The following KRIT1 variants were observed in gnomAD, a reference collection of about 807,000 sequenced individuals.
The protein encoded by KRIT1 is krev interaction trapped protein 1.
In KRIT1, 45 loss-of-function variants were observed where a neutral mutation model predicts 95.8. The ratio of observed to expected loss-of-function variants is 0.47; its 90% CI spans 0.37 to 0.60. KRIT1 has a LOEUF of 0.60. Among genes scored for constraint, KRIT1 ranks in the 20% least tolerant of loss-of-function variants. KRIT1 has a pLI of 0.00. For synonymous variants in KRIT1, 282 were observed against 278.8 expected (o/e 1.01, Z -0.11); for missense variants, 788 against 877.5 (o/e 0.90, Z 1.29).
intron 10 of KRIT1, among the ~76,000 whole-genome samples, chr7:92,228,350 T>G (rs145248188): frequency 6.6e-6 from 1 of 152,118 alleles, no homozygotes; most frequent in African/African-American, 2.4e-5. Flanking sequence ...TAATTTGTTG[T>G]GTGGAAATAA....
intron 18 of KRIT1, 101 bp downstream of exon 18, chr7:92,201,206 T>C (rs1790056010): frequency 1.4e-6 from 1 of 737,308 alleles, no homozygotes; most frequent in Non-Finnish European, 2.4e-6. Context: ...TCATGAAATA[T>C]TACAGGTTTT....
intron 17 of KRIT1, among the ~76,000 whole-genome samples, chr7:92,210,753 G>A (rs969646742): frequency 3.3e-5 from 5 of 152,196 alleles, no homozygotes; most frequent in Admixed American, 3.3e-4. Flanking sequence ...ACAATGTGGT[G>A]AATGGGAGAC....
chr7:92,233,127 A>G (rs1218681196), intron 10 of KRIT1, among the ~76,000 whole-genome samples: 7 of 151,636 alleles, frequency 4.6e-5, no homozygotes, highest in Admixed American at 4.6e-4. Context: ...ATATAAGAGC[A>G]TATTTTTAAG....
intron 10 of KRIT1, 53 bp downstream of exon 10, chr7:92,234,392 CATTT>C: frequency 3.1e-6 from 4 of 1,311,252 alleles, no homozygotes; most frequent in Non-Finnish European, 4.4e-6. Context: ...GAAGGACTAA[CATTT>C]ATAATAAAAA....
intron 4 of KRIT1, among the ~76,000 whole-genome samples, 193 bp downstream of exon 4, chr7:92,241,841 C>T (rs1320400694): frequency 6.6e-6 from 1 of 152,002 alleles, no homozygotes; most frequent in Non-Finnish European, 1.5e-5. Flanking sequence ...CCTTTAATAT[C>T]TAATAACCTA....
chr7:92,244,865 A>C (rs1357229974), intron 2 of KRIT1, 37 bp downstream of exon 2: 1 of 152,246 alleles, frequency 6.6e-6, no homozygotes, highest in African/African-American at 2.4e-5. Context: ...TAAATAAAGC[A>C]GTGGAAGTGG....
At chr7:92,242,187 G>T (rs1212755888) in intron 3 of KRIT1, 50 bp from the exon 4 acceptor site, 1 of 1,011,308 alleles carries the variant, frequency 9.9e-7, no homozygotes. Flanking sequence ...TGACACATTT[G>T]ATGGCAAGAT....
In KRIT1 at chr7:92,234,499, T is replaced by C. The variant is rs1797985532; in HGVS notation, c.939A>G (p.Ser313=). 6.2e-7 allele frequency: 1 copy of C among 1,611,356 alleles called. No homozygotes were observed. The change falls in exon 10 of 19, where the codon TCA becomes TCG. Residue 313 remains serine (S), a synonymous_variant. Transcript: ENST00000394505. ...LLSRLLSERF[S]VNQLDSDHWA... ...AGTGGTCACTATCTAACTGGTTGAC[T>C]GAAAATCTTTCACTGAGAAGACGGC...
At chr7:92,237,563 AATATT>A in intron 6 of KRIT1, 99 bp downstream of exon 6, 1 of 507,986 alleles carries the variant, frequency 2.0e-6, no homozygotes, top group South Asian at 3.7e-5. Context: ...TGTATTTTAT[AATATT>A]ATAGTAGTAA....
At position 92,245,058 on chromosome 7, in the gene KRIT1, T is replaced by C. The variant is rs886062492; in HGVS notation, c.-307A>G. On this transcript the variant is annotated 5_prime_UTR_variant, in exon 2 of 19. Coordinates refer to ENST00000394505, the MANE Select transcript of KRIT1 (RefSeq NM_194454.3). ...CAAACAGAAACTGTAAAGGCACATA[T>C]GCACTCCAGAAGGGTAAGAAAATAA... 3 of 151,848 alleles carry C rather than the reference T, an allele frequency of 2.0e-5. No homozygotes were observed. The highest frequency in any genetic ancestry group is 4.8e-5 in the African/African-American group (2 of 41,262). 9.4% of individuals were successfully genotyped at this position (151,848 alleles called of 1,614,324 possible). A position where few individuals can be genotyped will look rare whatever the true frequency, so the allele number is the denominator to read the frequency against.
intron 15 of KRIT1, 22 bp downstream of exon 15, chr7:92,214,589 A>C (rs1339911590): frequency 6.4e-7 from 1 of 1,556,736 alleles, no homozygotes; most frequent in Non-Finnish European, 8.9e-7. Context: ...GCACAAGACC[A>C]TGCATAATAT....
At chr7:92,242,765 G>A (rs1799964555) in intron 3 of KRIT1, among the ~76,000 whole-genome samples, 1 of 152,204 alleles carries the variant, frequency 6.6e-6, no homozygotes, top group Non-Finnish European at 1.5e-5. Context: ...TTCTGAAGGT[G>A]ATTTAAGAAT....
intron 10 of KRIT1, among the ~76,000 whole-genome samples, chr7:92,230,751 G>A (rs1157436294): frequency 6.6e-6 from 1 of 152,000 alleles, no homozygotes; most frequent in Non-Finnish European, 1.5e-5. Flanking sequence ...TATGATACAG[G>A]AGAGAGATGG....
intron 6 of KRIT1, among the ~76,000 whole-genome samples, chr7:92,237,173 C>T (rs1798606937): frequency 6.6e-6 from 1 of 152,100 alleles, no homozygotes; most frequent in African/African-American, 2.4e-5. Flanking sequence ...TACTGAAACT[C>T]AATGTGTTTA....
At chr7:92,215,853 C>A (rs1793860304) in intron 14 of KRIT1, among the ~76,000 whole-genome samples, 1 of 151,406 alleles carries the variant, frequency 6.6e-6, no homozygotes, top group Non-Finnish European at 1.5e-5. Context: ...CCTACTTGTA[C>A]AAAGTCACCG....
At position 92,222,847 on chromosome 7, in the gene KRIT1, A is replaced by G. The variant is rs1405251153; in HGVS notation, c.1386T>C (p.Thr462=). Residue 462 remains threonine, a synonymous_variant, in exon 13 of 19, where the codon ACT becomes ACC. Transcript: ENST00000394505. ...TGAGGTTTTCTGAACAAATCCATAT[A>G]GTGAAATATTGCTGAGTTTCTTGAG... ...RLSQETQQYF[T]IWICSENLSL... 2 of 1,607,070 alleles carry G rather than the reference A, an allele frequency of 1.2e-6. No homozygotes were observed. The highest frequency in any genetic ancestry group is 2.2e-5 in the South Asian group (2 of 90,936).
chr7:92,243,304 A>G (rs376537308), intron 3 of KRIT1, among the ~76,000 whole-genome samples: 2 of 152,148 alleles, frequency 1.3e-5, no homozygotes, highest in Non-Finnish European at 2.9e-5. Context: ...TCATGGCTAC[A>G]CTAAAGTGCA....
Position 92,213,832 on chromosome 7 carries a change from A to G in KRIT1, c.1818+60T>C, listed in dbSNP as rs1425523191. ...TCTACCTCTGTTTAAAATATTTATA[A>G]CACTAACAAAGTTTCAACTAGCCTA... On this transcript the variant is annotated intron_variant, in intron 16 of 18. Coordinates refer to ENST00000394505, the MANE Select transcript of KRIT1 (RefSeq NM_194454.3). 2.1e-5 allele frequency: 20 copies of G among 958,200 alleles called. No homozygotes were observed. The East Asian group carries it at 4.8e-4, about 23-fold the overall frequency. The allele number at this position is 958,200 out of a possible 1,614,324, so 59.4% of individuals were successfully genotyped here.
At chr7:92,204,363 C>T (rs1487492715) in intron 17 of KRIT1, among the ~76,000 whole-genome samples, 2 of 151,836 alleles carry the variant, frequency 1.3e-5, no homozygotes, top group Admixed American at 6.6e-5. Context: ...TGCCAGGGAT[C>T]GGTTTCGTGG....
Sources: gnomAD v4.1 joint callset for allele counts (sites outside exome capture counted in the v4.1 genomes callset) on GRCh38, gnomAD v4.1.1 for gene constraint, MANE v1.5 for transcripts, NCBI Gene and HGNC (gene_info 2026-07-23, HGNC 2026-07-21) for gene names.